The following NEK10 variants were observed in gnomAD, a reference collection of about 807,000 sequenced individuals.
NEK10 encodes the protein NIMA related kinase 10, also known as serine/threonine-protein kinase Nek10.
Under a neutral mutation model 159.8 loss-of-function variants are expected in NEK10, and 122 were observed. The observed-to-expected ratio is 0.76, with a 90% confidence interval of 0.66 to 0.89. The LOEUF (loss-of-function observed/expected upper bound fraction) is 0.89, where lower values mean the gene tolerates loss of function less well. Among genes scored for constraint, NEK10 ranks in the 40% least tolerant of loss-of-function variants. The probability of loss-of-function intolerance (pLI) is 0.00; values close to 1 mark genes in which losing one functional copy is unlikely to be tolerated. For synonymous variants in NEK10, 466 were observed against 457.1 expected (o/e 1.02, Z -0.25); for missense variants, 1,342 against 1,323.1 (o/e 1.01, Z -0.22).
chr3:27,204,275 C>CTTTTTTTTTTTTTTTT (rs1203026508), intron 23 of NEK10, among the ~76,000 whole-genome samples: 15 of 63,966 alleles, frequency 2.3e-4, no homozygotes, highest in Admixed American at 3.7e-4. Context: ...GATAAATTTT[C>CTTTTTTTTTTTTTTTT]TTTTTTTTTT....
intron 3 of NEK10, among the ~76,000 whole-genome samples, chr3:27,349,759 G>T (rs1178755924): frequency 5.3e-5 from 8 of 152,102 alleles, no homozygotes; most frequent in Admixed American, 5.2e-4. Context: ...CAGCTTTGTA[G>T]TTTCACTTTG....
At chr3:27,249,842 T>C (rs1955473405) in intron 23 of NEK10, among the ~76,000 whole-genome samples, 1 of 152,196 alleles carries the variant, frequency 6.6e-6, no homozygotes, top group Non-Finnish European at 1.5e-5. Context: ...GATTTTCTTT[T>C]ATGGTATGAT....
intron 3 of NEK10, among the ~76,000 whole-genome samples, chr3:27,346,909 A>G (rs910014657): frequency 2.0e-5 from 3 of 152,258 alleles, no homozygotes; most frequent in African/African-American, 7.2e-5. Context: ...TTCACTTGCA[A>G]TAATAAATTG....
rs1178048499 is a variant in NEK10 at position 27,218,736 on chromosome 3, T to TAAA, written c.2091-16182_2091-16180dup. ...AACATCATATTAACAGAATGAAGTC[T>TAAA]AAAAAAAAAAAAAAAAAAAGGATCA... On this transcript the variant is annotated intron_variant, in intron 23 of 35. Transcript: ENST00000691995. Among the ~76,000 whole-genome samples the TAAA allele has an allele frequency of 2.5e-3, 234 of 93,170 alleles. 1 individual carries two copies. The highest frequency in any genetic ancestry group is 3.6e-3 in the Non-Finnish European group (169 of 46,990). 61.1% of individuals were successfully genotyped at this position (93,170 alleles called of 152,430 possible).
chr3:27,121,497 G>A (rs941022322), intron 32 of NEK10, among the ~76,000 whole-genome samples: 2 of 152,052 alleles, frequency 1.3e-5, no homozygotes, highest in Admixed American at 6.6e-5. Context: ...GTCTGTTCTC[G>A]TGATAGTGAA....
At chr3:27,354,836 C>T (rs1163389566) in intron 1 of NEK10, among the ~76,000 whole-genome samples, 1 of 151,854 alleles carries the variant, frequency 6.6e-6, no homozygotes, top group Non-Finnish European at 1.5e-5. Flanking sequence ...GTTGTCTAAA[C>T]TGAGAGAAGT....
In NEK10 at chr3:27,260,605, T is replaced by G. The variant is rs919635767; in HGVS notation, c.2015-4234A>C. The stretch of plus-strand genomic sequence containing the variant: ...ATGGTGGATAAGCTTTTGGATGTGC[T>G]GCTGGATTTGGTTTGCCAGTATTTT... On this transcript the variant is annotated intron_variant, in intron 22 of 35. Transcript: ENST00000691995. Among the ~76,000 whole-genome samples the G allele has an allele frequency of 2.0e-5, 3 of 152,232 alleles. No individual in the cohort carries two copies. The South Asian group carries it at 6.2e-4, about 31-fold the overall frequency.
intron 22 of NEK10, among the ~76,000 whole-genome samples, chr3:27,260,127 G>A (rs147124278): frequency 0.087 from 13,155 of 151,968 alleles, 1,874 homozygotes; most frequent in African/African-American, 0.3. Flanking sequence ...GGGCTGAGAC[G>A]ATGGGGTTTT....
chr3:27,146,639 C>A (rs1311365713), intron 30 of NEK10, among the ~76,000 whole-genome samples: 1 of 152,144 alleles, frequency 6.6e-6, no homozygotes, highest in Non-Finnish European at 1.5e-5. Flanking sequence ...AGCAATCAAT[C>A]CCTGTGTCCC....
chr3:27,354,801 G>C (rs1377551158), intron 1 of NEK10, among the ~76,000 whole-genome samples: 1 of 152,200 alleles, frequency 6.6e-6, no homozygotes, highest in Non-Finnish European at 1.5e-5. Context: ...ATGGAGGAAT[G>C]CTGCAGTGTA....
intron 22 of NEK10, among the ~76,000 whole-genome samples, chr3:27,276,207 A>C (rs1302799136): frequency 6.6e-6 from 1 of 152,050 alleles, no homozygotes; most frequent in Non-Finnish European, 1.5e-5. Flanking sequence ...AAAGAAGGTC[A>C]AGAAAGTTCA....
rs747321762 is a variant in NEK10, at chr3:27,352,835, A to G, written c.48T>C (p.Asp16=). 2 of 1,610,768 alleles carry G rather than the reference A, an allele frequency of 1.2e-6. No individual in the cohort carries two copies. Among genetic ancestry groups the G allele is most frequent in the East Asian group, 2.2e-5 (1 of 44,850 alleles). Residue 16 remains aspartate, a synonymous_variant, in exon 2 of 36, where the codon GAT becomes GAC. Transcript: ENST00000691995. ...KKVKTTEKST[D]KQQEITIRDY... ...ACCTGATGGTGATTTCTTGCTGTTT[A>G]TCAGTTGATTTTTCTGTGGTCTTCA...
At chr3:27,352,047 A>C (rs532660004) in intron 3 of NEK10, among the ~76,000 whole-genome samples, 17 of 152,228 alleles carry the variant, frequency 1.1e-4, no homozygotes, top group South Asian at 1.0e-3. Context: ...CAGCCTCAAG[A>C]GTGGCACTGT....
chr3:27,132,027 T>C, intron 31 of NEK10, 37 bp from the exon 32 acceptor site: 1 of 1,194,338 alleles, frequency 8.4e-7, no homozygotes, highest in Non-Finnish European at 1.2e-6. Flanking sequence ...ATAAACAAAT[T>C]GTTAACACTA....
intron 33 of NEK10, among the ~76,000 whole-genome samples, chr3:27,116,422 G>C (rs998312676): frequency 1.3e-5 from 2 of 152,036 alleles, no homozygotes; most frequent in Admixed American, 6.6e-5. Context: ...ATGTGTTAAG[G>C]GCAAGTGAGG....
At chr3:27,195,499 C>A (rs1300399646) in intron 25 of NEK10, among the ~76,000 whole-genome samples, 1 of 152,176 alleles carries the variant, frequency 6.6e-6, no homozygotes, top group African/African-American at 2.4e-5. Context: ...GGAGTCTTAA[C>A]TTTAAATGAA....
intron 23 of NEK10, among the ~76,000 whole-genome samples, chr3:27,246,558 T>TTA (rs1332232303): frequency 8.5e-5 from 13 of 152,228 alleles, no homozygotes; most frequent in Non-Finnish European, 1.6e-4. Flanking sequence ...AACAATCTAA[T>TTA]TATACTCTTT....
intron 30 of NEK10, among the ~76,000 whole-genome samples, chr3:27,148,544 C>A (rs1180394844): frequency 6.6e-6 from 1 of 152,172 alleles, no homozygotes; most frequent in Non-Finnish European, 1.5e-5. Context: ...CTGTCACTGT[C>A]CTCAATTCTC....
At chr3:27,338,527 G>A (rs1327258731) in intron 5 of NEK10, among the ~76,000 whole-genome samples, 1 of 152,180 alleles carries the variant, frequency 6.6e-6, no homozygotes, top group Non-Finnish European at 1.5e-5. Flanking sequence ...TTCCACAATG[G>A]TTGAACTAAT....
Sources: gnomAD v4.1 joint callset for allele counts (sites outside exome capture counted in the v4.1 genomes callset) on GRCh38, gnomAD v4.1.1 for gene constraint, MANE v1.5 for transcripts, NCBI Gene and HGNC (gene_info 2026-07-23, HGNC 2026-07-21) for gene names.